WDR17: variants seen among roughly 807,000 people sequenced by gnomAD.
WDR17 encodes WD repeat domain 17, also known as WD repeat-containing protein 17.
In WDR17, 143 loss-of-function variants were observed where a neutral mutation model predicts 161.7. The observed-to-expected ratio is 0.88, with a 90% CI of 0.77 to 1.02. WDR17 has a LOEUF of 1.02. Among genes scored for constraint, WDR17 ranks in the 50% least tolerant of loss-of-function variants. The pLI, the probability that WDR17 is intolerant of heterozygous loss-of-function variation, is 0.00. For missense variants in WDR17, 1,469 were observed against 1,520.9 expected, an observed-to-expected ratio of 0.97 and a Z score of 0.57; for synonymous variants, 517 against 515.6, an observed-to-expected ratio of 1.00 and a Z score of -0.04.
At chr4:176,093,475 A>G (rs1415037784) in intron 1 of WDR17, among the ~76,000 whole-genome samples, 1 of 152,142 alleles carries the variant, frequency 6.6e-6, no homozygotes. Context: ...AAACTACTTT[A>G]CTTCATTTTC....
chr4:176,078,211 C>T (rs2126580439), intron 1 of WDR17, among the ~76,000 whole-genome samples: 1 of 151,876 alleles, frequency 6.6e-6, no homozygotes, highest in African/African-American at 2.4e-5. Context: ...TAGTTTTTGA[C>T]TATTATAAAT....
chr4:176,083,333 C>T (rs1561074413), intron 1 of WDR17, among the ~76,000 whole-genome samples: 1 of 151,954 alleles, frequency 6.6e-6, no homozygotes, highest in Non-Finnish European at 1.5e-5. Context: ...GCAATTCTTC[C>T]CTTAGGTTGT....
rs1338370674 is a variant in WDR17 at position 176,125,513 on chromosome 4, G to A, written c.790+158G>A. On this transcript the variant is annotated intron_variant, in intron 5 of 28. Transcript: ENST00000508596. ...TTACTAGTGTACTTTTATTTATATTGTATGTCATTAATGATAAAATGAAAT... is the reference window on the plus strand; with the variant it reads ...TTACTAGTGTACTTTTATTTATATTATATGTCATTAATGATAAAATGAAAT... Among the ~76,000 whole-genome samples the A allele has an allele frequency of 7.9e-5, 12 of 151,860 alleles. 1 individual carries two copies. The highest frequency in any genetic ancestry group is 7.9e-4 in the Admixed American group (12 of 15,248).
chr4:176,067,099 ACT>A (rs1732627598), intron 1 of WDR17, among the ~76,000 whole-genome samples: 1 of 152,062 alleles, frequency 6.6e-6, no homozygotes, highest in Admixed American at 6.5e-5. Flanking sequence ...GGTGAAACAA[ACT>A]CTGTGGAGAA....
At chr4:176,076,212 A>AT (rs1363372870) in intron 1 of WDR17, among the ~76,000 whole-genome samples, 166 of 23,962 alleles carry the variant, frequency 6.9e-3, no homozygotes, top group Middle Eastern at 0.037. Context: ...GTTTACATAT[A>AT]TAATATATAT....
In WDR17 at chr4:176,128,816, G is replaced by A; in HGVS notation, c.869G>A (p.Gly290Glu). The A allele has an allele frequency of 1.9e-6, 3 of 1,604,460 alleles. No homozygotes were observed. Among genetic ancestry groups the A allele is most frequent in the African/African-American group, 1.3e-5 (1 of 74,606 alleles). Residue 290 changes from glycine (G) to glutamate (E), a missense_variant, in exon 6 of 29, where the codon GGA becomes GAA. By Grantham distance (98) the Gly-to-Glu change is moderately conservative. Coordinates refer to ENST00000508596, the MANE Select transcript of WDR17 (RefSeq NM_181265.4). ...GATAATCTTAAATTAAAGAAAACAG[G>A]ATTTCACTGCTTACATGTACTTAAT... Reference protein sequence around the residue: ...PIDNLKLKKTGFHCLHVLNSP... With the variant: ...PIDNLKLKKTEFHCLHVLNSP...
intron 1 of WDR17, among the ~76,000 whole-genome samples, chr4:176,078,845 T>G (rs1056505095): frequency 1.3e-5 from 2 of 152,108 alleles, no homozygotes; most frequent in African/African-American, 4.8e-5. Context: ...AGTATATCTG[T>G]CACCTCAAAT....
chr4:176,168,733 T>C lies in WDR17; in HGVS notation c.3052T>C (p.Cys1018Arg). The C allele has an allele frequency of 6.2e-7, 1 of 1,613,546 alleles. No individual in the cohort carries two copies. Among genetic ancestry groups the C allele is most frequent in the African/African-American group, 1.3e-5 (1 of 75,046 alleles). ...PDNELHLIKL[C>R]AFYPGCTEEI... ...TAATGAACTACATTTAATAAAACTC[T>C]GTGCTTTCTACCCAGGATGTACTGA... The change falls in exon 23 of 29, where the codon TGT becomes CGT. Residue 1018 changes from cysteine (C) to arginine (R), a missense_variant. Physicochemically the swap from Cys to Arg is radical, Grantham distance 180. Transcript: ENST00000508596.
Position 176,174,639 on chromosome 4 carries a change from T to G in WDR17, c.3370T>G (p.Leu1124Val). ...CTEARNELLI[L>V]CGYIGALLAI... ...TAGAGCTCGAAATGAGTTGCTGATA[T>G]TATGTGGTTACATTGGTGCATTACT... Residue 1124 changes from leucine (L) to valine (V), a missense_variant, in exon 26 of 29, where the codon TTA becomes GTA. Physicochemically the swap from Leu to Val is conservative, Grantham distance 32 (BLOSUM62 1). Coordinates refer to ENST00000508596, the MANE Select transcript of WDR17 (RefSeq NM_181265.4). 1 of 1,610,674 alleles carries G rather than the reference T, an allele frequency of 6.2e-7. No individual in the cohort carries two copies. Among genetic ancestry groups the G allele is most frequent in the Non-Finnish European group, 8.5e-7 (1 of 1,178,220 alleles).
intron 17 of WDR17, 26 bp downstream of exon 17, chr4:176,151,993 A>G: frequency 6.2e-7 from 1 of 1,602,618 alleles, no homozygotes; most frequent in Non-Finnish European, 8.5e-7. Flanking sequence ...AGTAAAACTA[A>G]TGAGTTTAAC....
chr4:176,090,614 T>C (rs753812358), intron 1 of WDR17, among the ~76,000 whole-genome samples: 1 of 152,014 alleles, frequency 6.6e-6, no homozygotes, highest in Non-Finnish European at 1.5e-5. Flanking sequence ...GCCCATATGG[T>C]CCTCACTGAA....
intron 25 of WDR17, 149 bp downstream of exon 25, chr4:176,173,518 T>TA: frequency 1.9e-6 from 1 of 516,746 alleles, no homozygotes; most frequent in Non-Finnish European, 3.2e-6. Context: ...TTGTTATATA[T>TA]TTTTTTTCTT....
intron 8 of WDR17, 90 bp from the exon 9 acceptor site, chr4:176,137,430 C>T: frequency 1.0e-6 from 1 of 989,156 alleles, no homozygotes; most frequent in Non-Finnish European, 1.5e-6. Flanking sequence ...CTGCAAATCA[C>T]AGTTCTTACA....
At position 176,119,875 on chromosome 4, in the gene WDR17, G is replaced by T. The variant is rs778176770; in HGVS notation, c.316G>T (p.Ala106Ser). Residue 106 changes from alanine to serine, a missense_variant, in exon 4 of 29, where the codon GCT (alanine) becomes TCT (serine). Ala to Ser is a moderately conservative substitution (Grantham distance 99). Coordinates refer to ENST00000508596, the MANE Select transcript of WDR17 (RefSeq NM_181265.4). Reference protein sequence around the residue: ...AKLDSTKGIPASLSWCWNAED... With the variant: ...AKLDSTKGIPSSLSWCWNAED... The stretch of plus-strand genomic sequence containing the variant: ...TATTTAATGTATTCCAGGGATCCCT[G>T]CTTCTCTTAGTTGGTGCTGGAATGC... 6.2e-7 allele frequency: 1 copy of T among 1,613,840 alleles called. No homozygotes were observed. Among genetic ancestry groups the T allele is most frequent in the Non-Finnish European group, 8.5e-7 (1 of 1,179,862 alleles).
chr4:176,177,238 A>C (rs572006125), intron 27 of WDR17, 82 bp downstream of exon 27: 9 of 1,260,880 alleles, frequency 7.1e-6, no homozygotes, highest in Non-Finnish European at 1.0e-5. Flanking sequence ...GTGTGGTCTC[A>C]TTAATTTTAG....
At position 176,131,587 on chromosome 4, in the gene WDR17, C is replaced by T. The variant is rs548704530; in HGVS notation, c.947C>T (p.Thr316Ile). Residue 316 changes from threonine (T) to isoleucine (I), a missense_variant, in exon 7 of 29, where the codon ACA becomes ATA. By Grantham distance (89) the Thr-to-Ile change is moderately conservative (BLOSUM62 -1). Coordinates refer to ENST00000508596, the MANE Select transcript of WDR17 (RefSeq NM_181265.4). ...CAATCTCCAACCAAAAATCATTATACATCCTCAACAAGCGAAGCAGTTCCA... is the reference window on the plus strand; with the variant it reads ...CAATCTCCAACCAAAAATCATTATATATCCTCAACAAGCGAAGCAGTTCCA... ...SVQSPTKNHY[T>I]SSTSEAVPPP... The T allele has an allele frequency of 2.6e-4, 414 of 1,609,524 alleles. 4 individuals are homozygous for T. In the South Asian group the frequency reaches 4.3e-3, roughly 17 times the overall value.
At chr4:176,153,180 T>A (rs924115355) in intron 17 of WDR17, among the ~76,000 whole-genome samples, 1 of 152,168 alleles carries the variant, frequency 6.6e-6, no homozygotes, top group Non-Finnish European at 1.5e-5. Context: ...GTTTGAGAAC[T>A]ACCGCCCTAG....
chr4:176,176,162 A>G (rs1049919226), intron 26 of WDR17, among the ~76,000 whole-genome samples: 3 of 152,230 alleles, frequency 2.0e-5, no homozygotes, highest in Non-Finnish European at 2.9e-5. Flanking sequence ...ATAAAAGTAA[A>G]GAGAAAAATT....
chr4:176,074,399 T>C (rs532629426), intron 1 of WDR17, among the ~76,000 whole-genome samples: 2 of 151,820 alleles, frequency 1.3e-5, no homozygotes, highest in East Asian at 3.9e-4. Flanking sequence ...ATAATTGTGA[T>C]ATATACTACA....
Sources: gnomAD v4.1 joint callset for allele counts (sites outside exome capture counted in the v4.1 genomes callset) on GRCh38, gnomAD v4.1.1 for gene constraint, MANE v1.5 for transcripts, NCBI Gene and HGNC (gene_info 2026-07-23, HGNC 2026-07-21) for gene names.